The following GPLD1 variants were observed in gnomAD, a reference collection of about 807,000 sequenced individuals.
GPLD1 encodes the protein glycosylphosphatidylinositol specific phospholipase D1.
A neutral mutation model predicts 112.6 loss-of-function variants in GPLD1; 84 were observed. That is an observed-to-expected ratio of 0.75 (90% confidence interval 0.63 to 0.89). The LOEUF is 0.89. GPLD1 is among the 40% of genes least tolerant of loss of function. The pLI is 0.00. For synonymous variants in GPLD1, 386 were observed against 403.8 expected (o/e 0.96, Z 0.53); for missense variants, 1,044 against 1,051.5 (o/e 0.99, Z 0.10).
chr6:24,439,231 C>T (rs940301765), intron 20 of GPLD1, among the ~76,000 whole-genome samples: 14 of 152,228 alleles, frequency 9.2e-5, no homozygotes, highest in Admixed American at 3.3e-4. Context: ...CTGGCTCTGC[C>T]GCCCACAGGA....
At chr6:24,460,538 CAG>C (rs1763401566) in intron 11 of GPLD1, 139 bp from the exon 12 acceptor site, 1 of 834,240 alleles carries the variant, frequency 1.2e-6, no homozygotes, top group South Asian at 1.7e-5. Flanking sequence ...AGGAGCAACA[CAG>C]AAAGTTTTAG....
chr6:24,465,214 G>A (rs111380557), intron 10 of GPLD1, among the ~76,000 whole-genome samples: 7 of 88,700 alleles, frequency 7.9e-5, no homozygotes, highest in East Asian at 6.0e-4. Context: ...AAAAAAAAAA[G>A]AAAAGAAAAG....
intron 14 of GPLD1, 97 bp from the exon 15 acceptor site, chr6:24,449,996 G>GC (rs952573172): frequency 2.5e-5 from 19 of 757,284 alleles, no homozygotes; most frequent in South Asian, 7.0e-5. Flanking sequence ...GACAACCCCC[G>GC]CCCCCCGCCA....
In GPLD1 at chr6:24,454,192, G is replaced by A; in HGVS notation, c.1158C>T (p.Thr386=). 2 of 1,611,108 alleles carry A rather than the reference G, an allele frequency of 1.2e-6. No homozygotes were observed. The highest frequency in any genetic ancestry group is 8.5e-7 in the Non-Finnish European group (1 of 1,178,304). ...GCCCATCCTGGTTGAGGTCAGCTGA[G>A]GTCATTGCCCTTAGGGAAGTGAAGG... ...FPYARLGWAM[T]SADLNQDGHG... is the part of the protein sequence containing the mutation. The change falls in exon 14 of 25, where the codon ACC becomes ACT. Residue 386 remains threonine (T), a synonymous_variant. Coordinates refer to ENST00000230036, the MANE Select transcript of GPLD1 (RefSeq NM_001503.4).
intron 4 of GPLD1, among the ~76,000 whole-genome samples, chr6:24,475,977 A>G (rs1200323549): frequency 6.6e-6 from 1 of 152,190 alleles, no homozygotes; most frequent in Non-Finnish European, 1.5e-5. Flanking sequence ...GAGCAAAATG[A>G]TGAAGTGATG....
At chr6:24,445,323 G>A (rs910856209) in intron 20 of GPLD1, among the ~76,000 whole-genome samples, 5 of 152,088 alleles carry the variant, frequency 3.3e-5, no homozygotes, top group Non-Finnish European at 5.9e-5. Flanking sequence ...CACCGCACCC[G>A]GCCTGAAATA....
At chr6:24,485,759 T>G (rs570022029) in intron 2 of GPLD1, among the ~76,000 whole-genome samples, 8 of 150,774 alleles carry the variant, frequency 5.3e-5, no homozygotes, top group Non-Finnish European at 1.0e-4. Flanking sequence ...AACCTCCACC[T>G]CCTGGGTTCA....
At chr6:24,481,060 G>A (rs1179585301) in intron 2 of GPLD1, among the ~76,000 whole-genome samples, 5 of 152,198 alleles carry the variant, frequency 3.3e-5, no homozygotes, top group African/African-American at 7.2e-5. Flanking sequence ...TTTACAAACC[G>A]TGTATGAGAC....
rs367558283 is a variant in GPLD1, at chr6:24,467,129, C to T, written c.653+38G>A. ...AAAAACTGTGCAAAGGAAGTCACAA[C>T]AAAATCAGCTGCAAATTGTCCTCTG... On this transcript the variant is annotated intron_variant, in intron 8 of 24. Transcript: ENST00000230036. 5 of 1,280,798 alleles carry T rather than the reference C, an allele frequency of 3.9e-6. No homozygotes were observed. The African/African-American group carries it at 7.3e-5, about 19-fold the overall frequency. The allele number at this position is 1,280,798 out of a possible 1,614,324, so 79.3% of individuals were successfully genotyped here.
intron 14 of GPLD1, among the ~76,000 whole-genome samples, chr6:24,450,311 G>A (rs1483527322): frequency 1.3e-5 from 2 of 151,824 alleles, no homozygotes; most frequent in Non-Finnish European, 2.9e-5. Flanking sequence ...AACCAGCCTG[G>A]CCAACATAGT....
rs574555043 is a variant in GPLD1 at position 24,467,572 on chromosome 6, AAACT to A, written c.546-302_546-299del. On this transcript the variant is annotated intron_variant, in intron 7 of 24. Coordinates refer to ENST00000230036, the MANE Select transcript of GPLD1 (RefSeq NM_001503.4). ...ATTTATGTAGGTATACTCAGATTGGAAACTAACTATAACGTACAAAAAGAGTGGT... is the reference window on the plus strand; with the variant it reads ...ATTTATGTAGGTATACTCAGATTGGAAACTATAACGTACAAAAAGAGTGGT... Among the ~76,000 whole-genome samples the A allele has an allele frequency of 1.1e-4, 16 of 152,328 alleles. No individual in the cohort carries two copies. The East Asian group carries it at 2.1e-3, about 20-fold the overall frequency.
chr6:24,489,079 T>C (rs1435257215), intron 1 of GPLD1, among the ~76,000 whole-genome samples: 1 of 152,186 alleles, frequency 6.6e-6, no homozygotes, highest in Non-Finnish European at 1.5e-5. Context: ...ATTCCACCCA[T>C]CTTGTTCCTC....
intron 6 of GPLD1, 144 bp from the exon 7 acceptor site, chr6:24,472,780 C>CA: frequency 4.0e-6 from 2 of 494,198 alleles, no homozygotes; most frequent in Non-Finnish European, 3.6e-6. Flanking sequence ...AAAGGCATGC[C>CA]TTTTTTTTTT....
rs188879478 is a variant in GPLD1 at position 24,480,019 on chromosome 6, G to T, written c.154-60C>A. 9.3e-5 allele frequency: 93 copies of T among 1,003,164 alleles called. 1 individual carries two copies. Among genetic ancestry groups the T allele is most frequent in the South Asian group, 5.7e-4 (44 of 77,044 alleles). The allele number at this position is 1,003,164 out of a possible 1,614,324, so 62.1% of individuals were successfully genotyped here. On this transcript the variant is annotated intron_variant, in intron 2 of 24. Coordinates refer to ENST00000230036, the MANE Select transcript of GPLD1 (RefSeq NM_001503.4). ...GGAGTCAACAGCCTGGGGAGTATAGGCCCCACCAATTTTCTGTGATGAGAT... is the reference window on the plus strand; with the variant it reads ...GGAGTCAACAGCCTGGGGAGTATAGTCCCCACCAATTTTCTGTGATGAGAT...
At position 24,426,333 on chromosome 6, in the gene GPLD1, A is replaced by T. The variant is rs1762236355; in HGVS notation, c.*2699T>A. ...GAAAATTTAATCCATGTATCAGGATAATATATTAGACTGTCATGCATTAAT... is the reference window on the plus strand; with the variant it reads ...GAAAATTTAATCCATGTATCAGGATTATATATTAGACTGTCATGCATTAAT... On this transcript the variant is annotated 3_prime_UTR_variant, in exon 25 of 25. Transcript: ENST00000230036. The T allele has an allele frequency of 6.6e-6, 1 of 152,192 alleles. No individual in the cohort carries two copies. The highest frequency in any genetic ancestry group is 2.1e-4 in the South Asian group (1 of 4,828). 9.4% of individuals were successfully genotyped at this position (152,192 alleles called of 1,614,324 possible).
chr6:24,448,098 C>T (rs767184115), intron 16 of GPLD1, 36 bp downstream of exon 16: 16 of 1,611,410 alleles, frequency 9.9e-6, no homozygotes, highest in Non-Finnish European at 1.3e-5. Flanking sequence ...ACAGCGAGTT[C>T]TAGGTTTCTG....
In GPLD1 at chr6:24,440,229, A is replaced by T. The variant is rs373745932; in HGVS notation, c.2021-2940T>A. On this transcript the variant is annotated intron_variant, in intron 20 of 24. Transcript: ENST00000230036. ...CCAGCATTTGGGAGGCTGAGGCAGGAGGATCACTTCAGCTCATGAGTTCAA... is the reference window on the plus strand; with the variant it reads ...CCAGCATTTGGGAGGCTGAGGCAGGTGGATCACTTCAGCTCATGAGTTCAA... 3.5e-4 allele frequency among the ~76,000 whole-genome samples: 53 copies of T among 152,256 alleles called. 1 individual carries two copies. The South Asian group carries it at 0.01, about 30-fold the overall frequency.
intron 7 of GPLD1, among the ~76,000 whole-genome samples, chr6:24,469,778 TA>T (rs34088941): frequency 4.8e-4 from 71 of 148,914 alleles, no homozygotes; most frequent in African/African-American, 1.3e-3. Flanking sequence ...TAAAGTATAA[TA>T]AAAAAAAAAT....
intron 11 of GPLD1, among the ~76,000 whole-genome samples, chr6:24,461,287 G>A (rs990779196): frequency 6.6e-6 from 1 of 151,824 alleles, no homozygotes; most frequent in Non-Finnish European, 1.5e-5. Context: ...GGTGCTCAAT[G>A]TGATTAAACA....
Sources: allele counts gnomAD v4.1 joint callset (sites outside exome capture counted in the v4.1 genomes callset), GRCh38; gene constraint gnomAD v4.1.1; transcripts MANE v1.5; gene names NCBI Gene and HGNC (gene_info 2026-07-23, HGNC 2026-07-21).